The following NHSL1 variants were observed in gnomAD, a reference collection of about 807,000 sequenced individuals.
NHSL1 encodes NHS-like protein 1.
Under a neutral mutation model 95.0 loss-of-function variants are expected in NHSL1, and 48 were observed. The observed-to-expected ratio is 0.51, with a 90% CI of 0.40 to 0.64. NHSL1 has a LOEUF of 0.64. Among genes scored for constraint, NHSL1 ranks in the 30% least tolerant of loss-of-function variants. The probability of loss-of-function intolerance (pLI) is 0.00; values close to 1 mark genes in which losing one functional copy is unlikely to be tolerated. For synonymous variants in NHSL1, 783 were observed against 833.9 expected, an observed-to-expected ratio of 0.94 and a Z score of 1.05; for missense variants, 1,971 against 2,077.7, an observed-to-expected ratio of 0.95 and a Z score of 1.00.
intron 1 of NHSL1, among the ~76,000 whole-genome samples, chr6:138,682,820 G>T (rs1280949905): frequency 1.3e-5 from 2 of 152,178 alleles, no homozygotes; most frequent in East Asian, 1.9e-4. Context: ...CCACCTGGGG[G>T]TGTTTTTCAC....
chr6:138,628,465 G>C (rs1261243960), intron 1 of NHSL1, among the ~76,000 whole-genome samples: 1 of 152,160 alleles, frequency 6.6e-6, no homozygotes, highest in East Asian at 1.9e-4. Flanking sequence ...ACTGTATGGA[G>C]CTGAAGACGA....
At chr6:138,561,433 T>C (rs1783404682) in intron 1 of NHSL1, among the ~76,000 whole-genome samples, 3 of 152,144 alleles carry the variant, frequency 2.0e-5, no homozygotes, top group Non-Finnish European at 4.4e-5. Context: ...CCCAATACAG[T>C]CTTTTTCAAA....
At chr6:138,576,437 C>T (rs778011805), upstream of NHSL1, among the ~76,000 whole-genome samples, 26 of 152,322 alleles carry the variant, frequency 1.7e-4, no homozygotes, top group Middle Eastern at 3.4e-3. Flanking sequence ...GACAGACGTG[C>T]TGAACAGATT....
rs1177444732 is a variant in NHSL1 at position 138,526,697 on chromosome 6, A to C, written c.16+18926T>G. ...ACCTCGAGTTGCGTGCTTAATTTTT[A>C]TTCTTTTTTATTTTAAAAATATATG... On this transcript the variant is annotated intron_variant, in intron 1 of 4. Coordinates refer to the NHSL1 transcript ENST00000342260. Among the ~76,000 whole-genome samples, 3 of 152,016 alleles carry C rather than the reference A, an allele frequency of 2.0e-5. No homozygotes were observed. In the East Asian group the frequency reaches 5.8e-4, roughly 29 times the overall value.
rs150661657 is a variant in NHSL1 at position 138,562,577 on chromosome 6, G to A, written c.202+9133C>T. 5.1e-3 allele frequency among the ~76,000 whole-genome samples: 779 copies of A among 152,184 alleles called. 9 individuals carry two copies. Among genetic ancestry groups the A allele is most frequent in the African/African-American group, 0.018 (738 of 41,498 alleles). ...CTGGGGAGGTGGAGGCACGAGAATC[G>A]TTTGAACCCTGGAGGTGGAGATTGC... On this transcript the variant is annotated intron_variant, in intron 1 of 6. Coordinates refer to the NHSL1 transcript ENST00000427025.
rs528486111 is a variant in NHSL1 at position 138,427,832 on chromosome 6, C to T, written c.4085+1879G>A. Among the ~76,000 whole-genome samples, 6 of 152,300 alleles carry T rather than the reference C, an allele frequency of 3.9e-5. No individual in the cohort carries two copies. The South Asian group carries it at 1.2e-3, about 32-fold the overall frequency. ...ATAAAAATAAAGCCCTAAAAAAGCA[C>T]AGACAGTAGATGGATTTTTACTATG... is the stretch of plus-strand genomic sequence containing the variant. On this transcript the variant is annotated intron_variant, in intron 7 of 7. Transcript: ENST00000343505.
At chr6:138,488,339 A>G (rs74680216) in intron 2 of NHSL1, among the ~76,000 whole-genome samples, 2,165 of 152,282 alleles carry the variant, frequency 0.014, 46 homozygotes, top group East Asian at 0.048. Context: ...TTGCATATCA[A>G]TTTTACTGAA....
chr6:138,435,943 G>A lies in NHSL1; in HGVS notation c.665-2263C>T, dbSNP rs923882318. 3.3e-5 allele frequency among the ~76,000 whole-genome samples: 5 copies of A among 151,956 alleles called. No homozygotes were observed. The South Asian group carries it at 1.0e-3, about 32-fold the overall frequency. ...TATTACTATTGTAATTGTTTTGGGG[G>A]TGCCACAAATCACACCCACATAAGA... On this transcript the variant is annotated intron_variant, in intron 5 of 7. Coordinates refer to ENST00000343505, the MANE Select transcript of NHSL1 (RefSeq NM_001144060.2).
chr6:138,430,599 G>A lies in NHSL1; in HGVS notation c.3746C>T (p.Ala1249Val). The change falls in exon 6 of 8, where the codon GCC (alanine) becomes GTC (valine). Residue 1249 changes from alanine (A) to valine (V), a missense_variant. Around this residue, in one of 3 missense-constraint regions of NHSL1, gnomAD observed 1,602 missense variants for 1,654.5 expected, o/e 0.97. Coordinates refer to ENST00000343505, the MANE Select transcript of NHSL1 (RefSeq NM_001144060.2). The surrounding 1 kb of genome is among the most constrained non-coding windows in gnomAD (Gnocchi z 4.7). Reference sequence around the variant, plus strand: ...GTGCGTGGCATGAGAGCCAGCTTGGGCTGCAGAACTCTCTTTTGCCTCCCT... The same window carrying A: ...GTGCGTGGCATGAGAGCCAGCTTGGACTGCAGAACTCTCTTTTGCCTCCCT... The part of the protein sequence containing the change: ...HSREAKESSA[A>V]QAGSHATHPG... 1 of 1,550,208 alleles carries A rather than the reference G, an allele frequency of 6.5e-7. No homozygotes were observed. Among genetic ancestry groups the A allele is most frequent in the East Asian group, 2.4e-5 (1 of 40,852 alleles).
intron 1 of NHSL1, among the ~76,000 whole-genome samples, chr6:138,611,454 T>G (rs1371951548): frequency 6.6e-6 from 1 of 152,104 alleles, no homozygotes; most frequent in Non-Finnish European, 1.5e-5. Flanking sequence ...AGGTAAACAT[T>G]AAAGGCTGCC....
At chr6:138,692,919 G>C (rs1179097074), upstream of NHSL1, among the ~76,000 whole-genome samples, 2 of 150,834 alleles carry the variant, frequency 1.3e-5, no homozygotes, top group Non-Finnish European at 3.0e-5. The surrounding 1 kb of genome is among the most constrained non-coding windows in gnomAD (Gnocchi z 4.0). Flanking sequence ...CGGGCGGGCA[G>C]GAAGGACGGA....
chr6:138,455,525 GC>G (rs1777546835), intron 3 of NHSL1, among the ~76,000 whole-genome samples: 1 of 99,388 alleles, frequency 1.0e-5, no homozygotes, highest in Non-Finnish European at 2.5e-5. Flanking sequence ...CCTGCAAGGA[GC>G]CCCGCCTTCA....
Position 138,430,650 on chromosome 6 carries a change from G to A in NHSL1, c.3695C>T (p.Thr1232Met), listed in dbSNP as rs1347696927. The stretch of plus-strand genomic sequence containing the variant: ...GCTGTGCACAGAGCCCTCCTCTCCC[G>A]TCGTGGGGCTGGGCACAGCTCGGAG... The part of the protein sequence containing the change: ...EALRAVPSPT[T>M]GEEGSVHSRE... The change falls in exon 6 of 8, where the codon ACG (threonine) becomes ATG (methionine). Residue 1232 changes from threonine (T) to methionine (M), a missense_variant. Around this residue, in one of 3 missense-constraint regions of NHSL1, gnomAD observed 1,602 missense variants for 1,654.5 expected, o/e 0.97. Transcript: ENST00000343505. The surrounding 1 kb of genome is among the most constrained non-coding windows in gnomAD (Gnocchi z 4.7). 1.2e-5 allele frequency: 19 copies of A among 1,551,584 alleles called. No individual in the cohort carries two copies. The highest frequency in any genetic ancestry group is 1.6e-5 in the Non-Finnish European group (18 of 1,147,014).
At chr6:138,578,927 C>A (rs1347655897) in intron 1 of NHSL1, among the ~76,000 whole-genome samples, 1 of 152,204 alleles carries the variant, frequency 6.6e-6, no homozygotes, top group Non-Finnish European at 1.5e-5. Context: ...GGTCCCCAGC[C>A]TTTCTGGCAC....
intron 1 of NHSL1, among the ~76,000 whole-genome samples, chr6:138,671,181 G>A (rs1357428191): frequency 6.6e-6 from 1 of 151,910 alleles, no homozygotes; most frequent in African/African-American, 2.4e-5. Flanking sequence ...AATAGGTCGG[G>A]CGTGGTGGCT....
intron 7 of NHSL1, among the ~76,000 whole-genome samples, chr6:138,429,367 C>T (rs1775472275): frequency 6.6e-6 from 1 of 152,156 alleles, no homozygotes; most frequent in Non-Finnish European, 1.5e-5. Context: ...ACATAGCATT[C>T]CTCCTCCTGA....
At chr6:138,630,110 G>A (rs575810714) in intron 1 of NHSL1, among the ~76,000 whole-genome samples, 1 of 152,182 alleles carries the variant, frequency 6.6e-6, no homozygotes, top group African/African-American at 2.4e-5. Flanking sequence ...AGCTACTTGG[G>A]AGGCTGAGGT....
At chr6:138,663,062 C>CAAAAAAAAAAAA (rs10632082) in intron 1 of NHSL1, among the ~76,000 whole-genome samples, 2 of 126,638 alleles carry the variant, frequency 1.6e-5, no homozygotes, top group Non-Finnish European at 3.2e-5. Context: ...GAACTCACGG[C>CAAAAAAAAAAAA]AAAAAAAAAA....
At chr6:138,569,751 G>A (rs1783753940) in intron 1 of NHSL1, among the ~76,000 whole-genome samples, 1 of 152,194 alleles carries the variant, frequency 6.6e-6, no homozygotes, top group South Asian at 2.1e-4. Flanking sequence ...AAAGTTGGAA[G>A]CCAATTTTCT....
Sources: gnomAD v4.1 joint callset for allele counts (sites outside exome capture counted in the v4.1 genomes callset) on GRCh38, gnomAD v4.1.1 for gene constraint, gnomAD v4.1.1 regional missense constraint, Gnocchi (gnomAD v3.1) non-coding constraint, MANE v1.5 for transcripts, NCBI Gene and HGNC (gene_info 2026-07-23, HGNC 2026-07-21) for gene names.